The following NSUN3 variants were observed in gnomAD, a reference collection of about 807,000 sequenced individuals.
NSUN3 encodes the protein NOP2/Sun RNA methyltransferase 3.
Under a neutral mutation model 36.8 loss-of-function variants are expected in NSUN3, and 24 were observed. The ratio of observed to expected loss-of-function variants is 0.65; its 90% CI spans 0.47 to 0.92. NSUN3 has a LOEUF of 0.92. Among genes scored for constraint, NSUN3 ranks in the 40% least tolerant of loss-of-function variants. The probability of loss-of-function intolerance (pLI) is 0.00; values close to 1 mark genes in which losing one functional copy is unlikely to be tolerated. For synonymous variants in NSUN3, 146 were observed against 145.2 expected, an observed-to-expected ratio of 1.01 and a Z score of -0.04; for missense variants, 381 against 392.8, an observed-to-expected ratio of 0.97 and a Z score of 0.25.
chr3:94,126,481 A>C lies in NSUN3; in HGVS notation c.1014A>C (p.Gly338=). The C allele has an allele frequency of 1.2e-6, 2 of 1,604,588 alleles. No individual in the cohort carries two copies. The highest frequency in any genetic ancestry group is 8.5e-7 in the Non-Finnish European group (1 of 1,172,352). ...AATTGAAGAAATCATGGAGCACAGG[A>C]AAATGGTGACATGAATTTGTAAACT... ...VAKLKKSWST[G]KW is the part of the protein sequence containing the mutation. The change falls in exon 6 of 6, where the codon GGA becomes GGC. Residue 338 remains glycine (G), a synonymous_variant. Coordinates refer to ENST00000314622, the MANE Select transcript of NSUN3 (RefSeq NM_022072.5).
intron 5 of NSUN3, among the ~76,000 whole-genome samples, chr3:94,124,385 C>CCAAAGTGCTAGGATTA (rs2077476660): frequency 6.6e-6 from 1 of 151,898 alleles, no homozygotes; most frequent in South Asian, 2.1e-4. Context: ...CCTCGGTCTC[C>CCAAAGTGCTAGGATTA]CAAAGTGCTA....
At chr3:94,097,480 C>G (rs116393528) in intron 5 of NSUN3, among the ~76,000 whole-genome samples, 1 of 151,840 alleles carries the variant, frequency 6.6e-6, no homozygotes, top group Non-Finnish European at 1.5e-5. Flanking sequence ...ATCCTTTAAT[C>G]CTCTATTTCT....
At chr3:94,079,849 A>G (rs2077260734) in intron 2 of NSUN3, among the ~76,000 whole-genome samples, 1 of 152,072 alleles carries the variant, frequency 6.6e-6, no homozygotes. Context: ...CAAGGTTCTT[A>G]GCTTCCTTGC....
At chr3:94,093,130 T>C (rs2077322947) in intron 3 of NSUN3, among the ~76,000 whole-genome samples, 1 of 151,702 alleles carries the variant, frequency 6.6e-6, no homozygotes, top group African/African-American at 2.4e-5. Flanking sequence ...TCCTGAGGTC[T>C]GGCTATTATG....
chr3:94,124,148 C>CTTTTTTTTTTTTTTTTTTTTT (rs58987431), intron 5 of NSUN3, among the ~76,000 whole-genome samples: 1 of 88,186 alleles, frequency 1.1e-5, no homozygotes, highest in Non-Finnish European at 2.1e-5. Context: ...TATTTTATTT[C>CTTTTTTTTTTTTTTTTTTTTT]TTTTTTTTTT....
intron 5 of NSUN3, among the ~76,000 whole-genome samples, chr3:94,117,390 T>TG: frequency 6.6e-6 from 1 of 152,192 alleles, no homozygotes. Flanking sequence ...CACTTGGTTG[T>TG]ATTCTGTGAA....
chr3:94,093,222 A>C (rs1297160244), intron 3 of NSUN3, among the ~76,000 whole-genome samples: 2 of 151,320 alleles, frequency 1.3e-5, no homozygotes, highest in African/African-American at 4.9e-5. Flanking sequence ...TTTACTTTTT[A>C]ACAGTGGAAT....
chr3:94,082,510 A>G (rs142512077), intron 2 of NSUN3, among the ~76,000 whole-genome samples: 3 of 152,308 alleles, frequency 2.0e-5, no homozygotes, highest in South Asian at 4.1e-4. Flanking sequence ...GAAAGGAGAA[A>G]GCAGTTTCAC....
At chr3:94,113,699 A>G (rs553498797) in intron 5 of NSUN3, among the ~76,000 whole-genome samples, 46 of 152,318 alleles carry the variant, frequency 3.0e-4, no homozygotes, top group African/African-American at 9.6e-4. Flanking sequence ...CTGTTTGTCT[A>G]CTTATTTTCT....
intron 3 of NSUN3, among the ~76,000 whole-genome samples, chr3:94,088,873 T>TGGCC (rs1334204879): frequency 7.4e-4 from 112 of 152,230 alleles, no homozygotes; most frequent in African/African-American, 2.6e-3. Context: ...TTCACCACGT[T>TGGCC]GGCCAGGCTG....
chr3:94,107,437 C>T (rs1466042271), intron 5 of NSUN3, among the ~76,000 whole-genome samples: 1 of 151,472 alleles, frequency 6.6e-6, no homozygotes, highest in African/African-American at 2.4e-5. Context: ...ACAGCATGTG[C>T]CACCACACCT....
At chr3:94,101,798 G>A (rs1488164546) in intron 5 of NSUN3, among the ~76,000 whole-genome samples, 1 of 151,940 alleles carries the variant, frequency 6.6e-6, no homozygotes, top group Non-Finnish European at 1.5e-5. Flanking sequence ...TGCCTCATTT[G>A]TATTTAAATG....
chr3:94,126,152 C>T lies in NSUN3; in HGVS notation c.744-59C>T, dbSNP rs2077484627. The T allele has an allele frequency of 3.5e-6, 5 of 1,427,894 alleles. No individual in the cohort carries two copies. In the South Asian group the frequency reaches 4.1e-5, roughly 12 times the overall value. The allele number at this position is 1,427,894 out of a possible 1,614,324, so 88.5% of individuals were successfully genotyped here. On this transcript the variant is annotated intron_variant, in intron 5 of 5. Transcript: ENST00000314622. ...AAGTACGTAATCTTTGCTGTCAGAC[C>T]CCCTGGTTTCTTTTTAATATACTTA...
intron 2 of NSUN3, among the ~76,000 whole-genome samples, chr3:94,083,283 A>G (rs951188589): frequency 4.6e-5 from 7 of 152,178 alleles, no homozygotes; most frequent in Non-Finnish European, 1.0e-4. Flanking sequence ...AAAGAATCTG[A>G]TAAAACACAC....
chr3:94,077,610 T>C (rs1399289020), intron 2 of NSUN3, among the ~76,000 whole-genome samples: 1 of 152,188 alleles, frequency 6.6e-6, no homozygotes, highest in African/African-American at 2.4e-5. Context: ...CTGCCTCAAT[T>C]TCAGAACTTG....
intron 5 of NSUN3, among the ~76,000 whole-genome samples, chr3:94,099,749 A>G (rs540426624): frequency 2.4e-4 from 36 of 151,982 alleles, no homozygotes; most frequent in African/African-American, 8.4e-4. Context: ...GGGAAAAAAA[A>G]TGATGATACC....
At chr3:94,113,860 T>C (rs1296417201) in intron 5 of NSUN3, among the ~76,000 whole-genome samples, 2 of 152,212 alleles carry the variant, frequency 1.3e-5, no homozygotes, top group Non-Finnish European at 2.9e-5. Flanking sequence ...CTAACTACTT[T>C]TGAGTTTCTA....
chr3:94,096,645 C>A (rs2077341797), intron 5 of NSUN3, among the ~76,000 whole-genome samples: 1 of 152,126 alleles, frequency 6.6e-6, no homozygotes, highest in African/African-American at 2.4e-5. Flanking sequence ...ATTATAGGTG[C>A]CCACAACCAT....
chr3:94,070,003 T>G (rs1264299167), intron 2 of NSUN3, among the ~76,000 whole-genome samples: 3 of 152,176 alleles, frequency 2.0e-5, no homozygotes, highest in Non-Finnish European at 4.4e-5. Context: ...ATTTTTCTTT[T>G]GTTTCTTAGG....
Sources: gnomAD v4.1 joint callset for allele counts (sites outside exome capture counted in the v4.1 genomes callset) on GRCh38, gnomAD v4.1.1 for gene constraint, MANE v1.5 for transcripts, NCBI Gene and HGNC (gene_info 2026-07-23, HGNC 2026-07-21) for gene names.